Variants in RASAL2 observed in about 807,000 individuals in gnomAD.
The protein encoded by RASAL2 is ras GTPase-activating protein nGAP.
A neutral mutation model predicts 128.9 loss-of-function variants in RASAL2; 58 were observed. The ratio of observed to expected loss-of-function variants is 0.45; its 90% CI spans 0.36 to 0.56. The LOEUF (loss-of-function observed/expected upper bound fraction) is 0.56, where lower values mean the gene tolerates loss of function less well. Ranked by LOEUF, RASAL2 falls within the 20% of genes least tolerant of loss-of-function variation. RASAL2 has a pLI of 0.00. For missense variants in RASAL2, 1,360 were observed against 1,601.6 expected, an observed-to-expected ratio of 0.85 and a Z score of 2.57; for synonymous variants, 561 against 580.8, an observed-to-expected ratio of 0.97 and a Z score of 0.49.
chr1:178,466,913 C>T (rs1001906022), intron 16 of RASAL2, among the ~76,000 whole-genome samples: 2 of 152,054 alleles, frequency 1.3e-5, no homozygotes, highest in African/African-American at 4.8e-5. Context: ...ATGTGAATGG[C>T]GGACAGAAAA....
At chr1:178,320,622 G>A (rs1668720170) in intron 3 of RASAL2, among the ~76,000 whole-genome samples, 2 of 152,200 alleles carry the variant, frequency 1.3e-5, no homozygotes, top group Non-Finnish European at 2.9e-5. Flanking sequence ...GCGCTTCCCA[G>A]GTGAGGCAAT....
intron 1 of RASAL2, among the ~76,000 whole-genome samples, chr1:178,217,387 T>C (rs982376630): frequency 4.1e-4 from 62 of 152,258 alleles, no homozygotes; most frequent in African/African-American, 1.4e-3. Flanking sequence ...TACTAGAACT[T>C]CTCACACCAG....
intron 5 of RASAL2, among the ~76,000 whole-genome samples, chr1:178,428,550 T>C (rs1205248003): frequency 5.3e-5 from 8 of 151,600 alleles, no homozygotes; most frequent in African/African-American, 1.7e-4. Context: ...TCAGAACTTA[T>C]TGATGTTCTC....
chr1:178,136,453 AT>A (rs1469913829), intron 1 of RASAL2, among the ~76,000 whole-genome samples: 2 of 151,960 alleles, frequency 1.3e-5, no homozygotes, highest in Admixed American at 1.3e-4. Flanking sequence ...TAGATACTCT[AT>A]TTTTTCCCTT....
intron 1 of RASAL2, among the ~76,000 whole-genome samples, chr1:178,263,655 G>A (rs917426495): frequency 3.3e-5 from 5 of 152,048 alleles, no homozygotes; most frequent in Non-Finnish European, 5.9e-5. Flanking sequence ...TCTTGCCAGG[G>A]TTTCAGTTTG....
intron 10 of RASAL2, 88 bp from the exon 11 acceptor site, chr1:178,452,328 C>G: frequency 8.6e-7 from 1 of 1,165,856 alleles, no homozygotes; most frequent in Non-Finnish European, 1.3e-6. Flanking sequence ...GACTCTTAAG[C>G]AAAAGTATAT....
chr1:178,268,329 A>G (rs1666081874), intron 1 of RASAL2, among the ~76,000 whole-genome samples: 2 of 152,056 alleles, frequency 1.3e-5, no homozygotes, highest in African/African-American at 4.8e-5. Flanking sequence ...TTAGTTGGGC[A>G]TGGTGGTGAG....
At chr1:178,428,734 C>T (rs1572056783) in intron 5 of RASAL2, among the ~76,000 whole-genome samples, 1 of 152,008 alleles carries the variant, frequency 6.6e-6, no homozygotes, top group East Asian at 1.9e-4. Context: ...GGATTATAGG[C>T]ATGAGCTGTG....
chr1:178,280,104 T>G (rs1240982022), intron 1 of RASAL2, among the ~76,000 whole-genome samples: 1 of 152,166 alleles, frequency 6.6e-6, no homozygotes, highest in Non-Finnish European at 1.5e-5. Context: ...TATACTAACT[T>G]TTGAAAAGCA....
intron 1 of RASAL2, among the ~76,000 whole-genome samples, chr1:178,113,021 T>G (rs1659390106): frequency 6.6e-6 from 1 of 152,256 alleles, no homozygotes; most frequent in South Asian, 2.1e-4. Flanking sequence ...TCATCCATTT[T>G]GATTGTATTT....
At chr1:178,232,830 T>G (rs903747849) in intron 1 of RASAL2, among the ~76,000 whole-genome samples, 1 of 152,198 alleles carries the variant, frequency 6.6e-6, no homozygotes, top group African/African-American at 2.4e-5. Flanking sequence ...CAATATCAGC[T>G]TGAGTAATTT....
chr1:178,287,428 G>A (rs1254219255), intron 2 of RASAL2, among the ~76,000 whole-genome samples: 14 of 151,058 alleles, frequency 9.3e-5, no homozygotes, highest in Admixed American at 9.2e-4. Flanking sequence ...ATACAATAAA[G>A]TGGATTGTTA....
In RASAL2 at chr1:178,288,642, C is replaced by CT. The variant is rs60150701; in HGVS notation, c.330+4977dup. On this transcript the variant is annotated intron_variant, in intron 2 of 17. Transcript: ENST00000367649. Reference sequence around the variant, plus strand: ...CATCAGCATGCTATTCTTTCTCTCTCTTTTTTTTTTTTTTTTTTTTTTTTT... The same window carrying CT: ...CATCAGCATGCTATTCTTTCTCTCTCTTTTTTTTTTTTTTTTTTTTTTTTTT... 8.2e-3 allele frequency among the ~76,000 whole-genome samples: 794 copies of CT among 97,306 alleles called. 134 individuals carry two copies. The highest frequency in any genetic ancestry group is 0.011 in the Non-Finnish European group (587 of 54,028). The allele number at this position is 97,306 out of a possible 152,430, so 63.8% of individuals were successfully genotyped here. A position where few individuals can be genotyped will look rare whatever the true frequency, so the allele number is the denominator to read the frequency against.
At position 178,141,193 on chromosome 1, in the gene RASAL2, CTTTTTTT is replaced by C. The variant is rs71297900; in HGVS notation, c.202+46518_202+46524del. On this transcript the variant is annotated intron_variant, in intron 1 of 17. Transcript: ENST00000367649. ...CTGGAGACCACTTTTCTTTTCTTTT[CTTTTTTT>C]TTTTTTTTTTTTTTTTTTGCAGTTG... is the stretch of plus-strand genomic sequence containing the variant. Among the ~76,000 whole-genome samples the C allele has an allele frequency of 2.9e-3, 216 of 73,948 alleles. 2 individuals are homozygous for C. Among genetic ancestry groups the C allele is most frequent in the African/African-American group, 0.011 (205 of 18,802 alleles). 48.5% of individuals were successfully genotyped at this position (73,948 alleles called of 152,430 possible).
At chr1:178,464,133 G>T in intron 14 of RASAL2, 145 bp from the exon 15 acceptor site, 1 of 934,670 alleles carries the variant, frequency 1.1e-6, no homozygotes, top group Non-Finnish European at 1.5e-6. Flanking sequence ...CCTAGCCTTG[G>T]CATTAGTAAA....
At chr1:178,102,343 C>CG (rs1380199068) in intron 1 of RASAL2, among the ~76,000 whole-genome samples, 2 of 151,728 alleles carry the variant, frequency 1.3e-5, no homozygotes, top group Non-Finnish European at 2.9e-5. Flanking sequence ...ATTTTAGAGA[C>CG]GGGGTCTCAT....
intron 2 of RASAL2, among the ~76,000 whole-genome samples, chr1:178,299,719 T>G (rs1468411219): frequency 6.6e-6 from 1 of 152,094 alleles, no homozygotes; most frequent in Non-Finnish European, 1.5e-5. Flanking sequence ...ATGATCTGGA[T>G]CTCTTGACCT....
At chr1:178,389,285 G>T in intron 3 of RASAL2, 1 of 982,464 alleles carries the variant, frequency 1.0e-6, no homozygotes, top group Non-Finnish European at 1.2e-6. Context: ...TTGAAGTGGC[G>T]ATGGGAAGCA....
At chr1:178,445,416 T>G in intron 8 of RASAL2, 102 bp from the exon 9 acceptor site, 14 of 1,309,144 alleles carry the variant, frequency 1.1e-5, no homozygotes, top group Non-Finnish European at 1.4e-5. Context: ...ATAGCTTTAG[T>G]TTTAAAGCAG....
Sources: allele counts gnomAD v4.1 joint callset (sites outside exome capture counted in the v4.1 genomes callset), GRCh38; gene constraint gnomAD v4.1.1; transcripts MANE v1.5; gene names NCBI Gene and HGNC (gene_info 2026-07-23, HGNC 2026-07-21).